The following WWC2 variants were observed in gnomAD, a reference collection of about 807,000 sequenced individuals.
WWC2 encodes protein WWC2.
WWC2 carries 101 observed loss-of-function variants against 138.5 expected under a neutral mutation model. That is an observed-to-expected ratio of 0.73 (90% CI 0.62 to 0.86). WWC2 has a LOEUF of 0.86. Ranked by LOEUF, WWC2 falls within the 40% of genes least tolerant of loss-of-function variation. The pLI is 0.00. For missense variants in WWC2, 1,420 were observed against 1,419.4 expected (o/e 1.00, Z -0.01); for synonymous variants, 558 against 538.4 (o/e 1.04, Z -0.50).
intron 1 of WWC2, among the ~76,000 whole-genome samples, chr4:183,145,984 A>C (rs1451910099): frequency 6.6e-6 from 1 of 152,202 alleles, no homozygotes. Flanking sequence ...TGTCTACTTG[A>C]AGGATTTATT....
At chr4:183,243,401 A>G (rs964674874) in intron 5 of WWC2, among the ~76,000 whole-genome samples, 1 of 152,218 alleles carries the variant, frequency 6.6e-6, no homozygotes, top group Non-Finnish European at 1.5e-5. Context: ...CCAAAATGCT[A>G]TATTTGGAAA....
intron 1 of WWC2, among the ~76,000 whole-genome samples, chr4:183,103,891 C>G (rs997245742): frequency 3.3e-5 from 5 of 152,126 alleles, no homozygotes; most frequent in African/African-American, 4.8e-5. Context: ...ACCTTGGCCT[C>G]CCAAAGTGCT....
chr4:183,214,977 G>A (rs1413959554), intron 4 of WWC2, among the ~76,000 whole-genome samples: 1 of 152,142 alleles, frequency 6.6e-6, no homozygotes, highest in Non-Finnish European at 1.5e-5. Flanking sequence ...CCAAACTGTA[G>A]ATAAGGTTAT....
chr4:183,288,926 A>G (rs1738341938), intron 20 of WWC2, among the ~76,000 whole-genome samples: 2 of 152,328 alleles, frequency 1.3e-5, no homozygotes, highest in Admixed American at 6.5e-5. Context: ...ATGTCTTGCA[A>G]TGTATTTATT....
At chr4:183,170,051 G>C (rs1474419837) in intron 1 of WWC2, among the ~76,000 whole-genome samples, 1 of 152,178 alleles carries the variant, frequency 6.6e-6, no homozygotes, top group Admixed American at 6.5e-5. Flanking sequence ...CAAGTTACTT[G>C]AAGGATAGTT....
At chr4:183,280,993 A>G (rs1051256123) in intron 17 of WWC2, 96 bp downstream of exon 17, 1 of 1,456,342 alleles carries the variant, frequency 6.9e-7, no homozygotes, top group African/African-American at 1.4e-5. Context: ...TTATTCCAGA[A>G]TGATGGAATG....
intron 1 of WWC2, among the ~76,000 whole-genome samples, chr4:183,110,123 C>T (rs1732186703): frequency 6.6e-6 from 1 of 152,184 alleles, no homozygotes; most frequent in Non-Finnish European, 1.5e-5. Flanking sequence ...AGAGACAGCT[C>T]AACCCCAGTC....
intron 1 of WWC2, among the ~76,000 whole-genome samples, chr4:183,158,048 A>C (rs911151588): frequency 1.3e-5 from 2 of 151,988 alleles, no homozygotes; most frequent in African/African-American, 4.8e-5. Context: ...ATTTAGATGA[A>C]CTTTGTCTTT....
At chr4:183,289,868 G>C (rs150317153) in intron 21 of WWC2, among the ~76,000 whole-genome samples, 140 of 150,330 alleles carry the variant, frequency 9.3e-4, no homozygotes, top group Non-Finnish European at 1.1e-3. Context: ...GGGGATGGGC[G>C]TGGCCAGTAG....
intron 1 of WWC2, among the ~76,000 whole-genome samples, chr4:183,111,097 G>A (rs116046966): frequency 0.021 from 3,206 of 152,132 alleles, 105 homozygotes; most frequent in African/African-American, 0.074. Flanking sequence ...ATAATTAGCC[G>A]GGCGTCGTGG....
At chr4:183,263,914 G>A (rs567410495) in intron 11 of WWC2, among the ~76,000 whole-genome samples, 2 of 152,246 alleles carry the variant, frequency 1.3e-5, no homozygotes, top group South Asian at 2.1e-4. Flanking sequence ...TCCCTTTTAC[G>A]TAAACTTTGC....
At chr4:183,108,123 A>T (rs1732102157) in intron 1 of WWC2, among the ~76,000 whole-genome samples, 1 of 152,190 alleles carries the variant, frequency 6.6e-6, no homozygotes, top group East Asian at 1.9e-4. Context: ...CTTATTCAAA[A>T]TGATTTGACA....
rs184802857 is a variant in WWC2, at chr4:183,269,029, A to G, written c.2266A>G (p.Lys756Glu). ...STDVSCLFRT[K>E]VHPPTESILF... ...TGATGTCAGCTGTCTGTTTCGCACA[A>G]AAGTTCATCCGCCCACAGAATCCAT... Residue 756 changes from lysine (K) to glutamate (E), a missense_variant, in exon 15 of 23, where the codon AAA becomes GAA. Lys to Glu is a moderately conservative substitution (Grantham distance 56). Transcript: ENST00000403733. The G allele has an allele frequency of 7.4e-6, 12 of 1,613,902 alleles. No individual in the cohort carries two copies. The East Asian group carries it at 2.2e-4, about 30-fold the overall frequency.
At position 183,210,028 on chromosome 4, in the gene WWC2, C is replaced by T. The variant is rs191090928; in HGVS notation, c.522+1003C>T. ...TAATTTGATGGCTCGCCTTGCTCAA[C>T]AGCATTTCGAGATCCACGTTCATTT... is the stretch of plus-strand genomic sequence containing the variant. On this transcript the variant is annotated intron_variant, in intron 4 of 22. Transcript: ENST00000403733. Among the ~76,000 whole-genome samples, 188 of 152,310 alleles carry T rather than the reference C, an allele frequency of 1.2e-3. 1 individual carries two copies. Among genetic ancestry groups the T allele is most frequent in the Admixed American group, 4.6e-3 (71 of 15,302 alleles).
intron 1 of WWC2, among the ~76,000 whole-genome samples, chr4:183,161,341 G>C (rs1333869955): frequency 2.0e-5 from 3 of 152,184 alleles, no homozygotes; most frequent in Non-Finnish European, 4.4e-5. Flanking sequence ...ATCTTAGATG[G>C]AGTTTCAGAC....
At chr4:183,274,556 C>CA (rs1737791616) in intron 16 of WWC2, among the ~76,000 whole-genome samples, 1 of 152,116 alleles carries the variant, frequency 6.6e-6, no homozygotes, top group Non-Finnish European at 1.5e-5. Context: ...TTAGGAACTA[C>CA]AAAAGGATCA....
At chr4:183,110,933 C>T (rs377419345) in intron 1 of WWC2, among the ~76,000 whole-genome samples, 56 of 151,872 alleles carry the variant, frequency 3.7e-4, no homozygotes, top group African/African-American at 1.3e-3. Context: ...TGCTACAAAC[C>T]CCTGATTAAA....
chr4:183,263,395 C>T (rs984120189), intron 11 of WWC2, among the ~76,000 whole-genome samples: 2 of 152,176 alleles, frequency 1.3e-5, no homozygotes, highest in Admixed American at 1.3e-4. Flanking sequence ...CTGGTTGGCC[C>T]ATGCCTTGCT....
Position 183,161,971 on chromosome 4 carries a change from A to G in WWC2, c.132-31628A>G, listed in dbSNP as rs528393577. 4.7e-4 allele frequency among the ~76,000 whole-genome samples: 71 copies of G among 152,324 alleles called. 3 individuals are homozygous for G. In the South Asian group the frequency reaches 0.014, roughly 29 times the overall value. On this transcript the variant is annotated intron_variant, in intron 1 of 22. Transcript: ENST00000403733. Reference sequence around the variant, plus strand: ...TAGTGAGGGCAGATTTTTCAGCATAAATGAGGAAGGATGGAGATGTCTCAG... The same window carrying G: ...TAGTGAGGGCAGATTTTTCAGCATAGATGAGGAAGGATGGAGATGTCTCAG...
Sources: gnomAD v4.1 joint callset for allele counts (sites outside exome capture counted in the v4.1 genomes callset) on GRCh38, gnomAD v4.1.1 for gene constraint, MANE v1.5 for transcripts, NCBI Gene and HGNC (gene_info 2026-07-23, HGNC 2026-07-21) for gene names.